COL25A1: variants seen among roughly 807,000 people sequenced by gnomAD.
COL25A1 encodes the protein collagen type XXV alpha 1 chain.
A neutral mutation model predicts 128.4 loss-of-function variants in COL25A1; 103 were observed. The ratio of observed to expected loss-of-function variants is 0.80; its 90% CI spans 0.68 to 0.94. The LOEUF (loss-of-function observed/expected upper bound fraction) is 0.94, where lower values mean the gene tolerates loss of function less well. COL25A1 is among the 40% of genes least tolerant of loss of function. COL25A1 has a pLI of 0.00. For missense variants in COL25A1, 745 were observed against 840.0 expected (o/e 0.89, Z 1.40); for synonymous variants, 279 against 277.2 (o/e 1.01, Z -0.06).
chr4:109,132,293 T>C (rs1769288704), intron 3 of COL25A1, among the ~76,000 whole-genome samples: 1 of 152,152 alleles, frequency 6.6e-6, no homozygotes, highest in Admixed American at 6.5e-5. Flanking sequence ...CTTTCTTTTG[T>C]TTATTATGAT....
At chr4:109,087,353 A>G (rs1293028539) in intron 3 of COL25A1, among the ~76,000 whole-genome samples, 1 of 152,134 alleles carries the variant, frequency 6.6e-6, no homozygotes. Context: ...AGGGGTCTGC[A>G]CCTAAAACAC....
chr4:108,826,153 G>A (rs111872855), intron 33 of COL25A1, among the ~76,000 whole-genome samples: 104 of 152,178 alleles, frequency 6.8e-4, no homozygotes, highest in African/African-American at 2.5e-3. Context: ...TTCTACTGTC[G>A]TCCTACCCTA....
chr4:108,928,039 C>T (rs1746275397), intron 11 of COL25A1, among the ~76,000 whole-genome samples: 1 of 152,066 alleles, frequency 6.6e-6, no homozygotes, highest in South Asian at 2.1e-4. Flanking sequence ...CTTCGTATTG[C>T]TAAACCCAAA....
intron 3 of COL25A1, among the ~76,000 whole-genome samples, chr4:109,103,060 C>G (rs1227653892): frequency 6.6e-6 from 1 of 152,100 alleles, no homozygotes; most frequent in Non-Finnish European, 1.5e-5. Context: ...AACAAAAGAT[C>G]TCTTAACACA....
chr4:108,838,103 G>A, intron 31 of COL25A1: 2 of 1,547,030 alleles, frequency 1.3e-6, no homozygotes, highest in Non-Finnish European at 1.7e-6. Context: ...CTTACTGGAA[G>A]ACCAAGGGGT....
chr4:108,966,564 G>A (rs1181353341), intron 8 of COL25A1, among the ~76,000 whole-genome samples: 1 of 151,992 alleles, frequency 6.6e-6, no homozygotes, highest in Non-Finnish European at 1.5e-5. Context: ...TCATAATAAA[G>A]TTGGCCATGC....
At chr4:108,827,110 G>A (rs759131344) in intron 33 of COL25A1, 25 bp downstream of exon 33, 2 of 1,609,668 alleles carry the variant, frequency 1.2e-6, no homozygotes, top group Non-Finnish European at 1.7e-6. Flanking sequence ...GGAAGGTGGG[G>A]AGGTGCATGT....
At chr4:109,031,543 G>A (rs1274371261) in intron 5 of COL25A1, among the ~76,000 whole-genome samples, 3 of 152,196 alleles carry the variant, frequency 2.0e-5, no homozygotes, top group Non-Finnish European at 2.9e-5. Flanking sequence ...AGCTGGGTAA[G>A]CTGAGTGCTG....
At chr4:109,001,372 C>CAGACATCTGAGATCCTGTCAGGT (rs1755346612) in intron 6 of COL25A1, among the ~76,000 whole-genome samples, 1 of 24,148 alleles carries the variant, frequency 4.1e-5, no homozygotes. Flanking sequence ...TTAAAAGAAA[C>CAGACATCTGAGATCCTGTCAGGT]AGGCATCTGA....
chr4:109,004,502 C>T (rs1004073100), intron 6 of COL25A1, among the ~76,000 whole-genome samples: 11 of 151,940 alleles, frequency 7.2e-5, no homozygotes, highest in Admixed American at 2.6e-4. Context: ...TATTTGCCCC[C>T]GCCCAAATCT....
At chr4:108,826,813 G>A (rs992627852) in intron 33 of COL25A1, among the ~76,000 whole-genome samples, 3 of 152,078 alleles carry the variant, frequency 2.0e-5, no homozygotes, top group African/African-American at 7.2e-5. Flanking sequence ...TGCCAGTTAT[G>A]AGTGTCCAGT....
At chr4:109,156,493 T>C (rs1437022712) in intron 3 of COL25A1, among the ~76,000 whole-genome samples, 1 of 152,196 alleles carries the variant, frequency 6.6e-6, no homozygotes, top group African/African-American at 2.4e-5. Context: ...ATTCATCTGT[T>C]AGTGATTTTA....
intron 3 of COL25A1, among the ~76,000 whole-genome samples, chr4:109,178,793 C>T: frequency 6.8e-6 from 1 of 146,512 alleles, no homozygotes; most frequent in Non-Finnish European, 1.5e-5. Context: ...TGAGATTGCG[C>T]CACTGCACTC....
chr4:109,043,052 T>C (rs780687473), intron 5 of COL25A1, among the ~76,000 whole-genome samples: 1 of 152,084 alleles, frequency 6.6e-6, no homozygotes, highest in Non-Finnish European at 1.5e-5. Flanking sequence ...TGGGTTTATA[T>C]TTCAGTTCTG....
At chr4:108,886,492 G>GGTTT (rs1553960525) in intron 18 of COL25A1, among the ~76,000 whole-genome samples, 1 of 109,248 alleles carries the variant, frequency 9.2e-6, no homozygotes, top group Non-Finnish European at 1.9e-5. Flanking sequence ...GTGTGTGTGT[G>GGTTT]TTTAGCTCAT....
At chr4:109,193,391 C>T (rs1775777355) in intron 3 of COL25A1, among the ~76,000 whole-genome samples, 1 of 152,030 alleles carries the variant, frequency 6.6e-6, no homozygotes, top group Admixed American at 6.6e-5. Flanking sequence ...CAGGAATAAG[C>T]TAAATTTTGC....
At chr4:109,236,936 A>G (rs1286623021) in intron 3 of COL25A1, among the ~76,000 whole-genome samples, 2 of 152,094 alleles carry the variant, frequency 1.3e-5, no homozygotes, top group African/African-American at 2.4e-5. Context: ...AAAAATTTCT[A>G]GGAACATTGT....
At chr4:109,258,800 G>T (rs138584069) in intron 3 of COL25A1, among the ~76,000 whole-genome samples, 1 of 152,160 alleles carries the variant, frequency 6.6e-6, no homozygotes, top group African/African-American at 2.4e-5. Context: ...CCAAGCATTT[G>T]TTCTTGCTAT....
chr4:109,065,193 C>T (rs555802857), intron 3 of COL25A1, among the ~76,000 whole-genome samples: 1 of 152,332 alleles, frequency 6.6e-6, no homozygotes, highest in South Asian at 2.1e-4. Flanking sequence ...ACAAATCCCT[C>T]TGGAGTCCTA....
Sources: allele counts gnomAD v4.1 joint callset (sites outside exome capture counted in the v4.1 genomes callset), GRCh38; gene constraint gnomAD v4.1.1; transcripts MANE v1.5; gene names NCBI Gene and HGNC (gene_info 2026-07-23, HGNC 2026-07-21).